The following RABGAP1 variants were observed in gnomAD, a reference collection of about 807,000 sequenced individuals.
RABGAP1 encodes the protein rab GTPase-activating protein 1.
Under a neutral mutation model 137.6 loss-of-function variants are expected in RABGAP1, and 23 were observed. The observed-to-expected ratio is 0.17, with a 90% CI of 0.12 to 0.24. The LOEUF (loss-of-function observed/expected upper bound fraction) is 0.24, where lower values mean the gene tolerates loss of function less well. Among genes scored for constraint, RABGAP1 ranks in the 10% least tolerant of loss-of-function variants. RABGAP1 has a pLI of 1.00. For synonymous variants in RABGAP1, 451 were observed against 450.7 expected, an observed-to-expected ratio of 1.00 and a Z score of -0.01; for missense variants, 906 against 1,275.8, an observed-to-expected ratio of 0.71 and a Z score of 4.42.
chr9:123,003,648 T>C (rs2029932658), intron 10 of RABGAP1, among the ~76,000 whole-genome samples: 1 of 152,210 alleles, frequency 6.6e-6, no homozygotes, highest in Non-Finnish European at 1.5e-5. Context: ...GACTCAGCAA[T>C]TCCTTTTATC....
intron 13 of RABGAP1, among the ~76,000 whole-genome samples, chr9:123,057,416 G>A (rs1444945874): frequency 1.3e-5 from 2 of 151,470 alleles, no homozygotes; most frequent in South Asian, 4.2e-4. Context: ...TCCCAGACGG[G>A]GCGGCAGGGC....
At chr9:123,081,922 C>G (rs2034720659) in intron 19 of RABGAP1, among the ~76,000 whole-genome samples, 1 of 152,194 alleles carries the variant, frequency 6.6e-6, no homozygotes, top group Non-Finnish European at 1.5e-5. Flanking sequence ...GCCTCTGACT[C>G]TTATGTTCCC....
chr9:123,025,129 CT>C (rs2031878839), intron 13 of RABGAP1, among the ~76,000 whole-genome samples: 1 of 152,150 alleles, frequency 6.6e-6, no homozygotes, highest in South Asian at 2.1e-4. Context: ...ATTTTACTTT[CT>C]TCCAGATGGA....
intron 12 of RABGAP1, among the ~76,000 whole-genome samples, chr9:123,019,310 T>C (rs1162271609): frequency 1.3e-5 from 2 of 152,194 alleles, no homozygotes; most frequent in African/African-American, 2.4e-5. Flanking sequence ...TTAGAACATA[T>C]AAATATACAA....
intron 22 of RABGAP1, 59 bp downstream of exon 22, chr9:123,097,904 C>A: frequency 6.9e-7 from 1 of 1,444,954 alleles, no homozygotes; most frequent in Non-Finnish European, 9.5e-7. Context: ...GGGAGTTCAG[C>A]TGGTGGCTTC....
chr9:123,049,301 TG>T (rs1314309863), intron 13 of RABGAP1, among the ~76,000 whole-genome samples: 1 of 152,180 alleles, frequency 6.6e-6, no homozygotes, highest in Non-Finnish European at 1.5e-5. Context: ...TTGTTGTTGT[TG>T]TTGTTGTTGT....
chr9:123,071,263 T>C (rs2034346625), intron 15 of RABGAP1: 1 of 152,248 alleles, frequency 6.6e-6, no homozygotes, highest in African/African-American at 2.4e-5. Context: ...ATTCAAATAT[T>C]GAATTGTCAT....
intron 2 of RABGAP1, among the ~76,000 whole-genome samples, chr9:122,961,703 T>G (rs1197048892): frequency 6.6e-6 from 1 of 152,238 alleles, no homozygotes; most frequent in Non-Finnish European, 1.5e-5. Flanking sequence ...ACTTAATAGC[T>G]GTAAAGTTCC....
intron 10 of RABGAP1, among the ~76,000 whole-genome samples, chr9:123,005,282 C>G (rs2030129237): frequency 9.3e-6 from 1 of 107,664 alleles, no homozygotes; most frequent in African/African-American, 3.1e-5. Context: ...AGCTTAGGGG[C>G]TTGGGATTTT....
At chr9:122,943,619 A>T (rs1294376689) in intron 1 of RABGAP1, among the ~76,000 whole-genome samples, 2 of 152,152 alleles carry the variant, frequency 1.3e-5, no homozygotes, top group Non-Finnish European at 2.9e-5. Context: ...ATGGTTTTCC[A>T]CACAATTTAT....
chr9:122,997,138 A>T, intron 8 of RABGAP1, 121 bp from the exon 9 acceptor site: 1 of 692,244 alleles, frequency 1.4e-6, no homozygotes, highest in Non-Finnish European at 2.5e-6. Flanking sequence ...ATTCACATAC[A>T]CTTATCCTCT....
At chr9:123,033,509 AAT>A (rs2032423808) in intron 13 of RABGAP1, 1 of 152,190 alleles carries the variant, frequency 6.6e-6, no homozygotes, top group South Asian at 2.1e-4. Flanking sequence ...GATGAATTCC[AAT>A]TAGTTGCTAA....
chr9:122,983,418 G>T (rs563894740), intron 2 of RABGAP1, among the ~76,000 whole-genome samples: 4 of 152,082 alleles, frequency 2.6e-5, no homozygotes, highest in African/African-American at 7.2e-5. Flanking sequence ...GAAAATGTCC[G>T]CAAAAAAGAC....
intron 19 of RABGAP1, among the ~76,000 whole-genome samples, chr9:123,081,735 G>A (rs920658819): frequency 5.3e-5 from 8 of 152,112 alleles, no homozygotes; most frequent in Admixed American, 2.0e-4. Context: ...GCGCCACTGC[G>A]CCGACCATTG....
At chr9:123,097,604 T>C in intron 21 of RABGAP1, 137 bp from the exon 22 acceptor site, 2 of 694,678 alleles carry the variant, frequency 2.9e-6, no homozygotes, top group Non-Finnish European at 4.8e-6. Flanking sequence ...TGTATTCTCA[T>C]TGTGACCCTG....
At chr9:123,025,452 T>A (rs2031896700) in intron 13 of RABGAP1, among the ~76,000 whole-genome samples, 1 of 152,086 alleles carries the variant, frequency 6.6e-6, no homozygotes, top group African/African-American at 2.4e-5. Flanking sequence ...GATTGTTATT[T>A]GAATTGCATT....
chr9:123,074,867 G>A (rs760988726), intron 17 of RABGAP1, among the ~76,000 whole-genome samples: 1 of 152,136 alleles, frequency 6.6e-6, no homozygotes, highest in Non-Finnish European at 1.5e-5. Context: ...TGCCTCCTCT[G>A]TTTTCAAAAG....
chr9:123,006,724 C>T (rs2030308263), intron 10 of RABGAP1, among the ~76,000 whole-genome samples: 1 of 152,214 alleles, frequency 6.6e-6, no homozygotes, highest in South Asian at 2.1e-4. Flanking sequence ...TCTCCCACCT[C>T]AGCTTCCCGA....
intron 13 of RABGAP1, among the ~76,000 whole-genome samples, chr9:123,059,961 G>A (rs2033903320): frequency 6.6e-6 from 1 of 152,236 alleles, no homozygotes; most frequent in African/African-American, 2.4e-5. Context: ...TTTGGGTGAT[G>A]CACTAGAAGT....
Sources: gnomAD v4.1 joint callset for allele counts (sites outside exome capture counted in the v4.1 genomes callset) on GRCh38, gnomAD v4.1.1 for gene constraint, MANE v1.5 for transcripts, NCBI Gene and HGNC (gene_info 2026-07-23, HGNC 2026-07-21) for gene names.